Variants in CELF2 observed in about 807,000 individuals in gnomAD.
CELF2 encodes CUGBP Elav-like family member 2.
CELF2 carries 8 observed loss-of-function variants against 62.6 expected under a neutral mutation model. The ratio of observed to expected loss-of-function variants is 0.13; its 90% CI spans 0.07 to 0.23. The LOEUF (loss-of-function observed/expected upper bound fraction) is 0.23. Among genes scored for constraint, CELF2 ranks in the 10% least tolerant of loss-of-function variants. The probability of loss-of-function intolerance (pLI) is 1.00; values close to 1 mark genes in which losing one functional copy is unlikely to be tolerated. For missense variants in CELF2, 333 were observed against 671.0 expected (o/e 0.50, Z 5.56); for synonymous variants, 258 against 250.0 (o/e 1.03, Z -0.30).
the CELF2 span, among the ~76,000 whole-genome samples, chr10:10,720,629 C>T: frequency 2.0e-5 from 3 of 152,226 alleles, no homozygotes; most frequent in Non-Finnish European, 2.9e-5. Context: ...AAGATATTCT[C>T]GGTTAAAAAA....
At chr10:10,582,163 A>C in the CELF2 span, among the ~76,000 whole-genome samples, 1 of 152,172 alleles carries the variant, frequency 6.6e-6, no homozygotes, top group Non-Finnish European at 1.5e-5. Flanking sequence ...CATACTTTCT[A>C]TCCACTTGAC....
In CELF2 at chr10:11,279,759, A is replaced by T. The variant is rs1429841814; in HGVS notation, c.841+4639A>T. On this transcript the variant is annotated intron_variant, in intron 8 of 12. Coordinates refer to ENST00000633077, the MANE Select transcript of CELF2 (RefSeq NM_001326342.2). ...TTATAAATAATTTTTTTTAAATCTT[A>T]AGTTTCAAGTAGGCATATTGCGCAT... Among the ~76,000 whole-genome samples the T allele has an allele frequency of 2.6e-5, 4 of 152,196 alleles. No individual in the cohort carries two copies. The East Asian group carries it at 7.7e-4, about 29-fold the overall frequency.
chr10:10,963,513 A>G (rs2049786650), intron 2 of CELF2, among the ~76,000 whole-genome samples: 2 of 152,190 alleles, frequency 1.3e-5, no homozygotes, highest in South Asian at 4.1e-4. Context: ...TGTACAAACA[A>G]TCCACATGCT....
chr10:11,181,702 A>G (rs1399133898), intron 2 of CELF2, among the ~76,000 whole-genome samples: 1 of 152,210 alleles, frequency 6.6e-6, no homozygotes, highest in Admixed American at 6.5e-5. Context: ...TTGCATACGC[A>G]TTTGTCATCT....
intron 1 of CELF2, among the ~76,000 whole-genome samples, chr10:10,881,425 A>C (rs1210209148): frequency 6.6e-6 from 1 of 152,208 alleles, no homozygotes. Context: ...AAGCTGTGAA[A>C]GAGAGTCTGG....
chr10:11,257,250 A>C (rs960888114), intron 4 of CELF2, among the ~76,000 whole-genome samples: 3 of 147,136 alleles, frequency 2.0e-5, no homozygotes, highest in African/African-American at 7.5e-5. Flanking sequence ...GAAAAGTTTC[A>C]TTCGCTGTTT....
the CELF2 span, among the ~76,000 whole-genome samples, chr10:10,793,079 G>A: frequency 6.6e-6 from 1 of 152,084 alleles, no homozygotes; most frequent in African/African-American, 2.4e-5. Context: ...TAATGCACTG[G>A]GTCTTTTGCA....
At chr10:10,759,826 G>C in the CELF2 span, among the ~76,000 whole-genome samples, 1 of 152,162 alleles carries the variant, frequency 6.6e-6, no homozygotes, top group Non-Finnish European at 1.5e-5. Flanking sequence ...AAATCATACA[G>C]AGAAGACAAA....
chr10:10,588,440 G>C, the CELF2 span, among the ~76,000 whole-genome samples: 1 of 152,120 alleles, frequency 6.6e-6, no homozygotes, highest in Non-Finnish European at 1.5e-5. Context: ...CTGTGAACTT[G>C]AGGTTGGTCC....
chr10:11,009,800 C>T (rs923576655), intron 1 of CELF2, among the ~76,000 whole-genome samples: 1 of 152,210 alleles, frequency 6.6e-6, no homozygotes, highest in Non-Finnish European at 1.5e-5. Flanking sequence ...TTTAGTTCCA[C>T]AAACTTTGTT....
chr10:11,304,602 C>G (rs1022052983), intron 9 of CELF2, among the ~76,000 whole-genome samples: 1 of 152,226 alleles, frequency 6.6e-6, no homozygotes, highest in Non-Finnish European at 1.5e-5. Flanking sequence ...TCAGGACGCT[C>G]TTCCTCTACG....
rs1008412373 is a variant in CELF2 at position 11,159,165 on chromosome 10, A to C, written c.75-6321A>C. ...CATAATTTATGTGGCAGTGACTCAA[A>C]AGGTTTAGTACACATGATAAATGGT... is the stretch of plus-strand genomic sequence containing the variant. On this transcript the variant is annotated intron_variant, in intron 1 of 12. Transcript: ENST00000633077. The surrounding 1 kb of genome is among the most constrained non-coding windows in gnomAD (Gnocchi z 5.0). Among the ~76,000 whole-genome samples the C allele has an allele frequency of 6.6e-6, 1 of 152,224 alleles. No individual in the cohort carries two copies. Among genetic ancestry groups the C allele is most frequent in the African/African-American group, 2.4e-5 (1 of 41,454 alleles).
intron 1 of CELF2, among the ~76,000 whole-genome samples, chr10:10,911,159 C>G (rs901985894): frequency 6.6e-6 from 1 of 152,188 alleles, no homozygotes; most frequent in Non-Finnish European, 1.5e-5. Context: ...GCCCTTCCCA[C>G]TATCTCGAAA....
chr10:11,032,068 G>T (rs1313371743), intron 1 of CELF2, among the ~76,000 whole-genome samples: 8 of 149,488 alleles, frequency 5.4e-5, no homozygotes, highest in Non-Finnish European at 1.5e-5. Flanking sequence ...TGAGGTGCAT[G>T]CCTTCTTGGG....
Position 11,227,232 on chromosome 10 carries a change from T to C in CELF2, c.354+9725T>C, listed in dbSNP as rs73579348. ...TTTAGAAAGGAACTGTTCTACCCTG[T>C]TGTTTTACTAATGAGGAAGTGATGG... On this transcript the variant is annotated intron_variant, in intron 3 of 12. Transcript: ENST00000633077. The surrounding 1 kb of genome is among the most constrained non-coding windows in gnomAD (Gnocchi z 4.8). 0.066 allele frequency among the ~76,000 whole-genome samples: 9,987 copies of C among 152,234 alleles called. 507 individuals are homozygous for C. Among genetic ancestry groups the C allele is most frequent in the African/African-American group, 0.14 (5,797 of 41,494 alleles).
the CELF2 span, among the ~76,000 whole-genome samples, chr10:10,638,540 A>G: frequency 6.6e-6 from 1 of 152,168 alleles, no homozygotes; most frequent in African/African-American, 2.4e-5. Context: ...AATGAAAAGG[A>G]AACATTGTAA....
chr10:11,245,350 T>C (rs926191647), intron 3 of CELF2, among the ~76,000 whole-genome samples: 2 of 152,210 alleles, frequency 1.3e-5, no homozygotes, highest in Admixed American at 1.3e-4. Context: ...AATCTGTAAC[T>C]CAAATGAACT....
At chr10:10,552,485 T>C in the CELF2 span, among the ~76,000 whole-genome samples, 1 of 152,182 alleles carries the variant, frequency 6.6e-6, no homozygotes, top group East Asian at 1.9e-4. Context: ...TAGTACCTCC[T>C]GTGGGTGGAT....
At chr10:11,017,799 G>C (rs1048212127), upstream of CELF2, 1 of 249,430 alleles carries the variant, frequency 4.0e-6, no homozygotes, top group African/African-American at 2.3e-5. This position sits in a 1 kb window ranked among gnomAD's most constrained non-coding sequence, Gnocchi z 5.5. Context: ...GCGGGGCGGA[G>C]CCGGGTTCGG....
Sources: gnomAD v4.1 joint callset for allele counts (sites outside exome capture counted in the v4.1 genomes callset) on GRCh38, gnomAD v4.1.1 for gene constraint, Gnocchi (gnomAD v3.1) non-coding constraint, MANE v1.5 for transcripts, NCBI Gene and HGNC (gene_info 2026-07-23, HGNC 2026-07-21) for gene names.